TRHDE: variants seen among roughly 807,000 people sequenced by gnomAD.
The protein encoded by TRHDE is thyrotropin-releasing hormone-degrading ectoenzyme.
In TRHDE, 72 loss-of-function variants were observed where a neutral mutation model predicts 125.7. That is an observed-to-expected ratio of 0.57 (90% CI 0.47 to 0.70). The LOEUF (loss-of-function observed/expected upper bound fraction) is 0.70. Among genes scored for constraint, TRHDE ranks in the 30% least tolerant of loss-of-function variants. The probability of loss-of-function intolerance (pLI) is 0.00; values close to 1 mark genes in which losing one functional copy is unlikely to be tolerated. For missense variants in TRHDE, 1,110 were observed against 1,327.1 expected (o/e 0.84, Z 2.54); for synonymous variants, 509 against 509.1 (o/e 1.00, Z 0.00).
intron 2 of TRHDE, among the ~76,000 whole-genome samples, chr12:72,324,507 G>A (rs115662421): frequency 6.6e-6 from 1 of 152,212 alleles, no homozygotes; most frequent in African/African-American, 2.4e-5. Context: ...CAGGTGATAA[G>A]TCAGACATGA....
chr12:72,184,794 A>G (rs1031983370), intron 2 of TRHDE, among the ~76,000 whole-genome samples: 6 of 152,094 alleles, frequency 3.9e-5, no homozygotes, highest in African/African-American at 1.4e-4. Flanking sequence ...GAAAACTAAG[A>G]TTTTCCAAAT....
chr12:72,583,536 A>G (rs940134159), intron 12 of TRHDE, among the ~76,000 whole-genome samples: 1 of 152,218 alleles, frequency 6.6e-6, no homozygotes, highest in Non-Finnish European at 1.5e-5. Flanking sequence ...TTAAAAATTC[A>G]TATCCAAAAC....
chr12:72,622,475 A>G (rs1277329941), intron 15 of TRHDE, among the ~76,000 whole-genome samples: 1 of 151,970 alleles, frequency 6.6e-6, no homozygotes, highest in Non-Finnish European at 1.5e-5. Context: ...TACACTTTGG[A>G]CAACTGATAT....
chr12:72,179,304 A>G (rs911955434), intron 2 of TRHDE, among the ~76,000 whole-genome samples: 1 of 152,164 alleles, frequency 6.6e-6, no homozygotes, highest in Admixed American at 6.5e-5. Context: ...CCTGCTTTCT[A>G]TAAGCTATTG....
chr12:72,265,674 TGA>T (rs1879051436), intron 2 of TRHDE, among the ~76,000 whole-genome samples: 2 of 151,902 alleles, frequency 1.3e-5, no homozygotes, highest in African/African-American at 4.8e-5. Flanking sequence ...AGGAATTCAG[TGA>T]GGTTTTAAAA....
chr12:72,150,000 G>A (rs188861695), intron 2 of TRHDE, among the ~76,000 whole-genome samples: 9 of 152,174 alleles, frequency 5.9e-5, no homozygotes, highest in Admixed American at 5.9e-4. Context: ...CAACATATAT[G>A]TACCACTAAT....
chr12:72,640,355 G>A (rs1873999858), intron 15 of TRHDE, among the ~76,000 whole-genome samples: 1 of 152,216 alleles, frequency 6.6e-6, no homozygotes, highest in Non-Finnish European at 1.5e-5. Context: ...GCCTCGCCCT[G>A]CTTTGGCTCG....
intron 3 of TRHDE, among the ~76,000 whole-genome samples, chr12:72,435,628 T>C (rs1229213485): frequency 2.7e-5 from 4 of 149,672 alleles, no homozygotes; most frequent in African/African-American, 9.9e-5. Flanking sequence ...TGAAAATAGA[T>C]CCCAGGCTGG....
chr12:72,371,298 T>G lies in TRHDE; in HGVS notation c.1189-6697T>G, dbSNP rs1871572954. ...ATACCTATGAAACTCATTCATTTGC[T>G]CATTTATTCATCAAAGTTGTATCTA... is the stretch of plus-strand genomic sequence containing the variant. On this transcript the variant is annotated intron_variant, in intron 2 of 18. Transcript: ENST00000261180. Among the ~76,000 whole-genome samples, 3 of 150,948 alleles carry G rather than the reference T, an allele frequency of 2.0e-5. No individual in the cohort carries two copies. The Admixed American group carries it at 2.0e-4, about 10-fold the overall frequency.
At chr12:72,662,594 G>A (rs974571677) in intron 18 of TRHDE, among the ~76,000 whole-genome samples, 3 of 152,030 alleles carry the variant, frequency 2.0e-5, no homozygotes, top group African/African-American at 7.2e-5. Flanking sequence ...CACTCATTTG[G>A]AGAAGATGAA....
intron 7 of TRHDE, among the ~76,000 whole-genome samples, chr12:72,554,477 T>C (rs1377975885): frequency 3.9e-5 from 6 of 152,186 alleles, no homozygotes; most frequent in Non-Finnish European, 8.8e-5. Context: ...CTAGTTTATA[T>C]ATATCTTCTT....
intron 3 of TRHDE, among the ~76,000 whole-genome samples, chr12:72,380,698 G>GCTTCCTTCCTTCCTTCCTTCCTTCCTTC (rs199912564): frequency 7.6e-6 from 1 of 131,966 alleles, no homozygotes; most frequent in African/African-American, 3.4e-5. Flanking sequence ...GCAGGCTGCA[G>GCTTCCTTCCTTCCTTCCTTCCTTCCTTC]CTTCCTTCCT....
At chr12:72,221,296 G>A (rs969499065) in intron 2 of TRHDE, among the ~76,000 whole-genome samples, 1 of 151,986 alleles carries the variant, frequency 6.6e-6, no homozygotes, top group African/African-American at 2.4e-5. Context: ...AAATCCTCAG[G>A]AGCATGGAAA....
chr12:72,430,864 T>C (rs1162379088), intron 3 of TRHDE, among the ~76,000 whole-genome samples: 1 of 152,082 alleles, frequency 6.6e-6, no homozygotes, highest in Non-Finnish European at 1.5e-5. Flanking sequence ...TGTAATATCA[T>C]GTATTTTGAT....
At chr12:72,194,701 A>T (rs548656354) in intron 2 of TRHDE, among the ~76,000 whole-genome samples, 12 of 152,224 alleles carry the variant, frequency 7.9e-5, no homozygotes, top group Non-Finnish European at 1.5e-4. Context: ...GCTGCGAAGG[A>T]CATGATTCCA....
At chr12:72,477,048 T>A (rs540377280) in intron 5 of TRHDE, among the ~76,000 whole-genome samples, 38 of 152,246 alleles carry the variant, frequency 2.5e-4, no homozygotes, top group African/African-American at 9.1e-4. Flanking sequence ...AAGCTCAGAT[T>A]TCAAGGAAGG....
At chr12:72,371,897 G>A (rs1406690711) in intron 2 of TRHDE, among the ~76,000 whole-genome samples, 1 of 152,130 alleles carries the variant, frequency 6.6e-6, no homozygotes, top group Non-Finnish European at 1.5e-5. Context: ...AGTCCTTTGG[G>A]TATATTCCCA....
chr12:72,380,393 G>C (rs1406139217), intron 3 of TRHDE, among the ~76,000 whole-genome samples: 1 of 152,180 alleles, frequency 6.6e-6, no homozygotes, highest in Non-Finnish European at 1.5e-5. Flanking sequence ...CAGATGGATA[G>C]GAAGTGTGGG....
At chr12:72,282,381 C>T (rs770485816) in intron 1 of TRHDE, among the ~76,000 whole-genome samples, 3 of 152,068 alleles carry the variant, frequency 2.0e-5, no homozygotes, top group East Asian at 1.9e-4. Context: ...TCAAAATCAC[C>T]GTTGCTATGG....
Sources: allele counts gnomAD v4.1 joint callset (sites outside exome capture counted in the v4.1 genomes callset), GRCh38; gene constraint gnomAD v4.1.1; transcripts MANE v1.5; gene names NCBI Gene and HGNC (gene_info 2026-07-23, HGNC 2026-07-21).